Variants in CNOT10 observed in about 807,000 individuals in gnomAD.
The protein encoded by CNOT10 is CCR4-NOT transcription complex, subunit 10.
Under a neutral mutation model 94.6 loss-of-function variants are expected in CNOT10, and 30 were observed. That is an observed-to-expected ratio of 0.32 (90% confidence interval 0.24 to 0.43). CNOT10 has a LOEUF of 0.43. Among genes scored for constraint, CNOT10 ranks in the 20% least tolerant of loss-of-function variants. CNOT10 has a pLI of 1.00. For missense variants in CNOT10, 759 were observed against 877.2 expected, an observed-to-expected ratio of 0.87 and a Z score of 1.70; for synonymous variants, 289 against 301.6, an observed-to-expected ratio of 0.96 and a Z score of 0.43.
chr3:32,719,451 T>C (rs1383491648), intron 7 of CNOT10, among the ~76,000 whole-genome samples: 1 of 152,146 alleles, frequency 6.6e-6, no homozygotes, highest in Non-Finnish European at 1.5e-5. Context: ...GGATTCCAGA[T>C]GTCCTCCTGG....
intron 17 of CNOT10, chr3:32,765,086 C>T (rs954165440): frequency 8.5e-6 from 8 of 935,820 alleles, no homozygotes; most frequent in Non-Finnish European, 1.2e-5. Flanking sequence ...TTTGGGAGGC[C>T]GAGGCAGGCG....
Position 32,727,886 on chromosome 3 carries a change from G to T in CNOT10, c.1215+16G>T. 1 of 1,596,116 alleles carries T rather than the reference G, an allele frequency of 6.3e-7. No homozygotes were observed. ...CAATAAGGGGGTGAGTGCTACTTGG[G>T]TATCTTTTTAAACCCTGTCTTCTCC... On this transcript the variant is annotated intron_variant, in intron 10 of 18. Coordinates refer to ENST00000328834, the MANE Select transcript of CNOT10 (RefSeq NM_015442.3).
intron 13 of CNOT10, among the ~76,000 whole-genome samples, chr3:32,754,508 A>ATG (rs1275404597): frequency 1.0e-5 from 1 of 97,962 alleles, no homozygotes; most frequent in Non-Finnish European, 1.9e-5. Context: ...ATATATATAT[A>ATG]TTTATTTTAC....
intron 1 of CNOT10, among the ~76,000 whole-genome samples, chr3:32,691,077 C>G (rs1696829221): frequency 6.8e-6 from 1 of 146,252 alleles, no homozygotes. Flanking sequence ...CTCATTGCAA[C>G]CTCCATCTCC....
intron 13 of CNOT10, among the ~76,000 whole-genome samples, chr3:32,757,215 T>C (rs1351127018): frequency 2.4e-5 from 3 of 123,806 alleles, no homozygotes; most frequent in African/African-American, 6.1e-5. Context: ...GTTTCACTCT[T>C]GTTGCCCAGG....
Position 32,720,145 on chromosome 3 carries a change from T to C in CNOT10, c.776T>C (p.Phe259Ser). ...CCCTCTCTCTTTCTTAAAAGCAATTTTGAGTACTTAAGAGGTAATTATCGA... is the reference window on the plus strand; with the variant it reads ...CCCTCTCTCTTTCTTAAAAGCAATTCTGAGTACTTAAGAGGTAATTATCGA... ...SAPSLFLKSN[F>S]EYLRGNYRKA... The change falls in exon 8 of 19, where the codon TTT becomes TCT. Residue 259 changes from phenylalanine (F) to serine (S), a missense_variant. Physicochemically the swap from Phe to Ser is radical, Grantham distance 155. This residue lies in a region of CNOT10 where 682 missense variants were observed against 799.4 expected (regional missense o/e 0.85). Coordinates refer to ENST00000328834, the MANE Select transcript of CNOT10 (RefSeq NM_015442.3). The C allele has an allele frequency of 6.5e-7, 1 of 1,540,504 alleles. No individual in the cohort carries two copies.
At chr3:32,760,825 TG>T (rs1559516789) in intron 14 of CNOT10, among the ~76,000 whole-genome samples, 3 of 151,862 alleles carry the variant, frequency 2.0e-5, no homozygotes, top group Non-Finnish European at 4.4e-5. Flanking sequence ...CTAGTGTTTT[TG>T]TTTTTTTTTT....
At chr3:32,770,902 C>G (rs867595664) in intron 18 of CNOT10, among the ~76,000 whole-genome samples, 2 of 151,790 alleles carry the variant, frequency 1.3e-5, no homozygotes, top group African/African-American at 4.8e-5. Context: ...TTAGTAGAGA[C>G]CGGGTTCACC....
rs565606076 is a variant in CNOT10 at position 32,731,458 on chromosome 3, G to A, written c.1216-1965G>A. 1.1e-4 allele frequency among the ~76,000 whole-genome samples: 17 copies of A among 152,168 alleles called. No homozygotes were observed. The South Asian group carries it at 3.5e-3, about 32-fold the overall frequency. On this transcript the variant is annotated intron_variant, in intron 10 of 18. Coordinates refer to ENST00000328834, the MANE Select transcript of CNOT10 (RefSeq NM_015442.3). ...TAACTACTTGGGATTCCACCTGCAG[G>A]TAAATTAGAGACTTGTTTTATTTTA...
rs1343196899 is a variant in CNOT10 at position 32,769,838 on chromosome 3, T to C, written c.2005-49T>C. 6 of 1,422,994 alleles carry C rather than the reference T, an allele frequency of 4.2e-6. No individual in the cohort carries two copies. The South Asian group carries it at 5.7e-5, about 14-fold the overall frequency. The allele number at this position is 1,422,994 out of a possible 1,614,324, so 88.1% of individuals were successfully genotyped here. ...GGTTGGCAGATGTACTTGGAGTGTG[T>C]ATCTTAAGCTTTTGTTTTTTCACGG... On this transcript the variant is annotated intron_variant, in intron 17 of 18. Coordinates refer to ENST00000328834, the MANE Select transcript of CNOT10 (RefSeq NM_015442.3).
chr3:32,750,497 CAAAA>C (rs537844170), intron 13 of CNOT10, among the ~76,000 whole-genome samples: 2 of 150,158 alleles, frequency 1.3e-5, no homozygotes, highest in Non-Finnish European at 3.0e-5. Context: ...ATCTCAAAAA[CAAAA>C]AAGAGTAAAG....
chr3:32,703,286 A>G (rs1469769783), intron 1 of CNOT10, among the ~76,000 whole-genome samples: 1 of 152,084 alleles, frequency 6.6e-6, no homozygotes, highest in Non-Finnish European at 1.5e-5. Flanking sequence ...AGAACACAAG[A>G]TGAAAACTAG....
At chr3:32,713,135 T>G in intron 4 of CNOT10, 92 bp from the exon 5 acceptor site, 2 of 1,038,532 alleles carry the variant, frequency 1.9e-6, no homozygotes, top group African/African-American at 3.3e-5. Context: ...GCTTTGCTAT[T>G]TAAAGCTTTG....
chr3:32,759,130 AGTGTGTGTGT>A (rs10601347), intron 13 of CNOT10, among the ~76,000 whole-genome samples: 4 of 149,522 alleles, frequency 2.7e-5, no homozygotes, highest in Admixed American at 6.7e-5. Flanking sequence ...ATATATATAT[AGTGTGTGTGT>A]GTGTGTGTGT....
At chr3:32,771,166 A>C (rs1209284861) in intron 18 of CNOT10, among the ~76,000 whole-genome samples, 1 of 151,996 alleles carries the variant, frequency 6.6e-6, no homozygotes, top group Non-Finnish European at 1.5e-5. Flanking sequence ...ATCTCTACAA[A>C]AAATACAAAA....
intron 1 of CNOT10, chr3:32,687,740 A>T (rs932424752): frequency 6.6e-6 from 1 of 152,186 alleles, no homozygotes; most frequent in Non-Finnish European, 1.5e-5. Context: ...GGCGTGAGCC[A>T]CCGCGCCCTG....
chr3:32,709,806 C>G (rs1482383316), intron 4 of CNOT10, among the ~76,000 whole-genome samples: 2 of 152,140 alleles, frequency 1.3e-5, no homozygotes, highest in Non-Finnish European at 2.9e-5. Flanking sequence ...GTTATTGATG[C>G]TTCTTAGAAT....
At chr3:32,725,709 T>G in intron 9 of CNOT10, 110 bp downstream of exon 9, 1 of 974,464 alleles carries the variant, frequency 1.0e-6, no homozygotes, top group Non-Finnish European at 1.5e-6. Context: ...TATAGTTAAC[T>G]CTGATCTTAC....
intron 8 of CNOT10, among the ~76,000 whole-genome samples, chr3:32,722,436 C>T (rs941187274): frequency 1.2e-4 from 19 of 152,176 alleles, no homozygotes; most frequent in African/African-American, 4.3e-4. Context: ...GCAATGATCC[C>T]TCAAACTAAA....
Sources: allele counts gnomAD v4.1 joint callset (sites outside exome capture counted in the v4.1 genomes callset), GRCh38; gene constraint gnomAD v4.1.1; regional missense constraint gnomAD v4.1.1; transcripts MANE v1.5; gene names NCBI Gene and HGNC (gene_info 2026-07-23, HGNC 2026-07-21).